The following PEMT variants were observed in gnomAD, a reference collection of about 807,000 sequenced individuals.
The protein encoded by PEMT is phospholipid methyltransferase.
In PEMT, 23 loss-of-function variants were observed where a neutral mutation model predicts 27.4. The ratio of observed to expected loss-of-function variants is 0.84; its 90% CI spans 0.60 to 1.19. The LOEUF (loss-of-function observed/expected upper bound fraction) is 1.19. PEMT is among the 50% of genes most tolerant of loss of function. The pLI is 0.00. For missense variants in PEMT, 307 were observed against 310.1 expected, an observed-to-expected ratio of 0.99 and a Z score of 0.07; for synonymous variants, 137 against 139.1, an observed-to-expected ratio of 0.98 and a Z score of 0.11.
intron 2 of PEMT, chr17:17,570,667 G>A: frequency 2.2e-5 from 22 of 985,420 alleles, no homozygotes; most frequent in Non-Finnish European, 2.7e-5. Context: ...GGATACAGGT[G>A]GGAGGACGCC....
intron 1 of PEMT, among the ~76,000 whole-genome samples, chr17:17,580,322 C>A (rs1025279587): frequency 6.6e-6 from 1 of 151,994 alleles, no homozygotes; most frequent in Non-Finnish European, 1.5e-5. Context: ...ACTAAAAATA[C>A]AAAAATTAGC....
intron 3 of PEMT, chr17:17,517,951 CT>C (rs1229545393): frequency 1.0e-6 from 1 of 985,182 alleles, no homozygotes; most frequent in Non-Finnish European, 1.2e-6. Flanking sequence ...CTCCAGGTGC[CT>C]CCTAGCCCAG....
Position 17,505,858 on chromosome 17 carries a change from A to C in PEMT, c.654-10T>G. On this transcript the variant is annotated splice_polypyrimidine_tract_variant and intron_variant, in intron 6 of 6. Transcript: ENST00000255389. ...CTCAGCGGTGAAGGGCCTGCCGGGC[A>C]GCGGGGAGAGGCTTCGGTCAGCAGG... The C allele has an allele frequency of 6.2e-7, 1 of 1,607,680 alleles. No individual in the cohort carries two copies.
chr17:17,513,344 C>T lies in PEMT; in HGVS notation c.321-690G>A, dbSNP rs1331286107. 5.1e-4 allele frequency among the ~76,000 whole-genome samples: 78 copies of T among 152,240 alleles called. 1 individual carries two copies. Among genetic ancestry groups the T allele is most frequent in the Admixed American group, 5.1e-3 (78 of 15,288 alleles). On this transcript the variant is annotated intron_variant, in intron 3 of 6. Coordinates refer to ENST00000255389, the MANE Select transcript of PEMT (RefSeq NM_148172.3). The surrounding 1 kb of genome is among the most constrained non-coding windows in gnomAD (Gnocchi z 4.1). ...AGGTGTGGTGGCTCACGCCTGCAAT[C>T]CCAGCACTTTGGGAGGCCGAGGTGG...
intron 2 of PEMT, among the ~76,000 whole-genome samples, chr17:17,529,574 C>T (rs1201143702): frequency 1.3e-5 from 2 of 152,204 alleles, no homozygotes; most frequent in Admixed American, 6.5e-5. Flanking sequence ...GGTCCCAGCA[C>T]CAGCTGCCCA....
At chr17:17,554,579 G>A (rs1373416094) in intron 2 of PEMT, among the ~76,000 whole-genome samples, 3 of 152,216 alleles carry the variant, frequency 2.0e-5, no homozygotes, top group Admixed American at 6.5e-5. Flanking sequence ...GTGACGGCCA[G>A]AGTGAATTCA....
At chr17:17,527,067 C>T (rs1007935926) in intron 2 of PEMT, among the ~76,000 whole-genome samples, 54 of 152,270 alleles carry the variant, frequency 3.5e-4, no homozygotes, top group African/African-American at 1.3e-3. Flanking sequence ...GACGGAGTTT[C>T]GCTCTTGTTG....
chr17:17,543,155 T>C (rs1305870533), intron 2 of PEMT, among the ~76,000 whole-genome samples: 1 of 152,232 alleles, frequency 6.6e-6, no homozygotes, highest in Admixed American at 6.5e-5. Context: ...CCCAGGACTG[T>C]GGAGAAGCCA....
intron 2 of PEMT, among the ~76,000 whole-genome samples, chr17:17,575,916 A>G (rs1039558745): frequency 3.3e-5 from 5 of 152,208 alleles, no homozygotes; most frequent in Admixed American, 3.3e-4. Flanking sequence ...TCATAAACTA[A>G]ATGAAAAACA....
chr17:17,532,783 T>C (rs1213257271), intron 2 of PEMT, among the ~76,000 whole-genome samples: 4 of 152,108 alleles, frequency 2.6e-5, no homozygotes, highest in African/African-American at 4.8e-5. Context: ...ATCCCAGCAC[T>C]TTGGGAGGCC....
chr17:17,528,341 G>A (rs543688669), intron 2 of PEMT, among the ~76,000 whole-genome samples: 47 of 152,276 alleles, frequency 3.1e-4, no homozygotes, highest in Non-Finnish European at 5.4e-4. Flanking sequence ...TTGCGGCTCC[G>A]GCAAGATGTG....
chr17:17,527,032 T>C (rs897971226), intron 2 of PEMT, among the ~76,000 whole-genome samples: 9 of 151,840 alleles, frequency 5.9e-5, no homozygotes, highest in Middle Eastern at 6.8e-3. Context: ...GAAAGTCGAG[T>C]TTTTTATTTT....
At chr17:17,536,868 C>T (rs1908511299) in intron 2 of PEMT, among the ~76,000 whole-genome samples, 1 of 152,234 alleles carries the variant, frequency 6.6e-6, no homozygotes, top group Non-Finnish European at 1.5e-5. Context: ...GGCTCTGGTT[C>T]ATGGTGCTGT....
chr17:17,511,538 G>T (rs372262374), intron 4 of PEMT, among the ~76,000 whole-genome samples: 1 of 152,244 alleles, frequency 6.6e-6, no homozygotes, highest in Non-Finnish European at 1.5e-5. Flanking sequence ...TGAGGATGGG[G>T]ATGGCAGGCA....
chr17:17,588,912 G>A (rs913047154), intron 1 of PEMT, among the ~76,000 whole-genome samples: 6 of 152,222 alleles, frequency 3.9e-5, no homozygotes, highest in Admixed American at 6.5e-5. Context: ...GGGCTGCAGC[G>A]GGCACACTCC....
intron 2 of PEMT, among the ~76,000 whole-genome samples, chr17:17,536,517 C>T (rs1182857065): frequency 6.6e-6 from 1 of 152,238 alleles, no homozygotes. Flanking sequence ...CAACCTTCCT[C>T]CTGCACACGG....
chr17:17,546,078 T>C (rs1438103569), intron 2 of PEMT, among the ~76,000 whole-genome samples: 1 of 152,214 alleles, frequency 6.6e-6, no homozygotes, highest in East Asian at 1.9e-4. Flanking sequence ...ACCCATCTTA[T>C]GTCCTCAAGC....
chr17:17,559,093 C>G (rs558575330), intron 2 of PEMT, among the ~76,000 whole-genome samples: 17 of 152,322 alleles, frequency 1.1e-4, no homozygotes, highest in Non-Finnish European at 2.1e-4. Flanking sequence ...ACGCTCCCCC[C>G]CATTTTTACA....
At chr17:17,549,182 T>TTTTA (rs1019284911) in intron 2 of PEMT, among the ~76,000 whole-genome samples, 12 of 152,016 alleles carry the variant, frequency 7.9e-5, no homozygotes, top group East Asian at 1.9e-4. Flanking sequence ...TTAACAAAAT[T>TTTTA]TTTATTTATT....
Sources: gnomAD v4.1 joint callset for allele counts (sites outside exome capture counted in the v4.1 genomes callset) on GRCh38, gnomAD v4.1.1 for gene constraint, Gnocchi (gnomAD v3.1) non-coding constraint, MANE v1.5 for transcripts, NCBI Gene and HGNC (gene_info 2026-07-23, HGNC 2026-07-21) for gene names.